Variants in SLIT3 observed in about 807,000 individuals in gnomAD.
The protein encoded by SLIT3 is slit guidance ligand 3, also known as slit homolog 3 protein.
In SLIT3, 68 loss-of-function variants were observed where a neutral mutation model predicts 184.0. The observed-to-expected ratio is 0.37, with a 90% CI of 0.30 to 0.45. The LOEUF (loss-of-function observed/expected upper bound fraction) is 0.45. SLIT3 is among the 20% of genes least tolerant of loss of function. SLIT3 has a pLI of 1.00. For synonymous variants in SLIT3, 831 were observed against 828.6 expected, an observed-to-expected ratio of 1.00 and a Z score of -0.05; for missense variants, 1,707 against 2,026.0, an observed-to-expected ratio of 0.84 and a Z score of 3.02.
chr5:168,867,081 C>A (rs771043958), intron 5 of SLIT3, among the ~76,000 whole-genome samples: 18 of 152,132 alleles, frequency 1.2e-4, no homozygotes, highest in Non-Finnish European at 2.2e-4. Context: ...GATTCCTGGG[C>A]CTTGACCAGA....
At chr5:168,788,452 G>A (rs1489661652) in intron 11 of SLIT3, among the ~76,000 whole-genome samples, 5 of 152,154 alleles carry the variant, frequency 3.3e-5, no homozygotes, top group African/African-American at 4.8e-5. Context: ...ATAGCTGCAC[G>A]GAGAGGCAAA....
intron 4 of SLIT3, among the ~76,000 whole-genome samples, chr5:169,188,966 A>T (rs2113460334): frequency 6.6e-6 from 1 of 152,316 alleles, no homozygotes; most frequent in African/African-American, 2.4e-5. Flanking sequence ...ACAGAAGCCC[A>T]GTCTCCACAC....
At chr5:169,071,020 T>G (rs1357515246) in intron 4 of SLIT3, among the ~76,000 whole-genome samples, 2 of 152,180 alleles carry the variant, frequency 1.3e-5, no homozygotes, top group East Asian at 3.9e-4. Context: ...ACCTCCTAGC[T>G]GTGGGACCTT....
At chr5:168,962,210 G>T (rs557983441) in intron 4 of SLIT3, among the ~76,000 whole-genome samples, 1 of 152,182 alleles carries the variant, frequency 6.6e-6, no homozygotes, top group East Asian at 1.9e-4. Flanking sequence ...TCACACTGGA[G>T]ATGCAGCTTC....
intron 4 of SLIT3, among the ~76,000 whole-genome samples, chr5:168,986,107 T>C (rs1323357100): frequency 6.6e-6 from 1 of 152,170 alleles, no homozygotes; most frequent in Non-Finnish European, 1.5e-5. Flanking sequence ...GGCATATGCA[T>C]TCAGTTTACA....
At chr5:169,127,234 C>G (rs1299466352) in intron 4 of SLIT3, among the ~76,000 whole-genome samples, 5 of 152,216 alleles carry the variant, frequency 3.3e-5, no homozygotes, top group Admixed American at 2.0e-4. Context: ...AAGGGCTTTA[C>G]TCTCCAATGC....
At chr5:168,886,441 C>T (rs905561056) in intron 4 of SLIT3, among the ~76,000 whole-genome samples, 1 of 152,068 alleles carries the variant, frequency 6.6e-6, no homozygotes, top group Non-Finnish European at 1.5e-5. Flanking sequence ...GTACTATCCT[C>T]GAGAGAGACA....
chr5:168,732,833 G>A (rs1461352676), intron 20 of SLIT3, among the ~76,000 whole-genome samples: 2 of 151,958 alleles, frequency 1.3e-5, no homozygotes, highest in Non-Finnish European at 2.9e-5. Flanking sequence ...TGAATTAAAG[G>A]CCCAAATGTA....
At chr5:169,034,679 T>C (rs978716340) in intron 4 of SLIT3, among the ~76,000 whole-genome samples, 2 of 152,156 alleles carry the variant, frequency 1.3e-5, no homozygotes, top group Non-Finnish European at 2.9e-5. Flanking sequence ...AGCTAGACGC[T>C]AGATCAAATA....
At chr5:168,947,842 A>G (rs1320463369) in intron 4 of SLIT3, among the ~76,000 whole-genome samples, 1 of 152,042 alleles carries the variant, frequency 6.6e-6, no homozygotes, top group African/African-American at 2.4e-5. Context: ...GCTGGAGTGC[A>G]GTGGTACAAT....
At chr5:169,231,194 G>A (rs893466839) in intron 3 of SLIT3, among the ~76,000 whole-genome samples, 5 of 152,126 alleles carry the variant, frequency 3.3e-5, no homozygotes, top group Non-Finnish European at 7.4e-5. Context: ...TCTGTCTCTT[G>A]AGTCTCTTTT....
chr5:169,183,840 G>T (rs1334693437), intron 4 of SLIT3, among the ~76,000 whole-genome samples: 1 of 152,186 alleles, frequency 6.6e-6, no homozygotes, highest in Admixed American at 6.5e-5. Flanking sequence ...ATGTGGCAAA[G>T]AAGTCTGTGC....
intron 12 of SLIT3, among the ~76,000 whole-genome samples, chr5:168,785,427 T>C (rs2113574182): frequency 6.6e-6 from 1 of 152,318 alleles, no homozygotes. Flanking sequence ...CTTTCCCAGA[T>C]GGATTCACAC....
chr5:168,804,326 AAAAAAAAAAAAAAG>A (rs1756881213), intron 9 of SLIT3, among the ~76,000 whole-genome samples: 1 of 150,570 alleles, frequency 6.6e-6, no homozygotes, highest in African/African-American at 2.4e-5. Context: ...AAAAAAAAAA[AAAAAAAAAAAAAAG>A]ATGAAAGGGA....
chr5:168,706,344 C>T (rs893971037), intron 26 of SLIT3, among the ~76,000 whole-genome samples: 4 of 152,188 alleles, frequency 2.6e-5, no homozygotes, highest in African/African-American at 9.7e-5. Context: ...AATGGCTACA[C>T]AGCTAGTAAA....
At chr5:168,887,764 C>G (rs932031017) in intron 4 of SLIT3, among the ~76,000 whole-genome samples, 1 of 152,162 alleles carries the variant, frequency 6.6e-6, no homozygotes, top group African/African-American at 2.4e-5. Flanking sequence ...GCACTCTGCA[C>G]AGCACCTAGA....
At chr5:169,278,901 C>T (rs528171683) in intron 1 of SLIT3, among the ~76,000 whole-genome samples, 1 of 152,252 alleles carries the variant, frequency 6.6e-6, no homozygotes, top group South Asian at 2.1e-4. Flanking sequence ...CCACAGATGA[C>T]ACTGGAGTTG....
chr5:168,870,667 G>A (rs1759482457), intron 5 of SLIT3, among the ~76,000 whole-genome samples: 2 of 152,218 alleles, frequency 1.3e-5, no homozygotes, highest in African/African-American at 4.8e-5. Context: ...TCTGTGATAT[G>A]AGTAGACCTG....
chr5:168,720,921 G>T (rs57109567), intron 23 of SLIT3: 4 of 151,980 alleles, frequency 2.6e-5, no homozygotes, highest in African/African-American at 9.7e-5. Context: ...ATTGCTACTC[G>T]GCCCTGGAAT....
Sources: gnomAD v4.1 joint callset for allele counts (sites outside exome capture counted in the v4.1 genomes callset) on GRCh38, gnomAD v4.1.1 for gene constraint, MANE v1.5 for transcripts, NCBI Gene and HGNC (gene_info 2026-07-23, HGNC 2026-07-21) for gene names.